VOPP1: variants seen among roughly 807,000 people sequenced by gnomAD.
The protein encoded by VOPP1 is WW domain binding protein VOPP1.
VOPP1 carries 8 observed loss-of-function variants against 23.5 expected under a neutral mutation model. The observed-to-expected ratio is 0.34, with a 90% CI of 0.20 to 0.61. The LOEUF (loss-of-function observed/expected upper bound fraction) is 0.61. Among genes scored for constraint, VOPP1 ranks in the 20% least tolerant of loss-of-function variants. The pLI, the probability that VOPP1 is intolerant of heterozygous loss-of-function variation, is 0.78. For missense variants in VOPP1, 174 were observed against 238.1 expected (o/e 0.73, Z 1.77); for synonymous variants, 83 against 97.3 (o/e 0.85, Z 0.86).
chr7:55,538,789 A>T, intron 1 of VOPP1: 2 of 586,098 alleles, frequency 3.4e-6, no homozygotes, highest in Non-Finnish European at 5.7e-6. Context: ...GCTGCTGATG[A>T]GGAAACATCT....
chr7:55,537,792 T>G, intron 1 of VOPP1: 1 of 1,130,438 alleles, frequency 8.8e-7, no homozygotes, highest in Non-Finnish European at 1.2e-6. Flanking sequence ...GAACATGCAC[T>G]TCCCACAGCC....
chr7:55,521,348 A>G (rs1176201727), intron 1 of VOPP1, among the ~76,000 whole-genome samples: 3 of 152,164 alleles, frequency 2.0e-5, no homozygotes, highest in Non-Finnish European at 2.9e-5. Flanking sequence ...ATAGCCTTTC[A>G]TATCTCTATA....
At chr7:55,435,804 T>G (rs1018175765), downstream of VOPP1, among the ~76,000 whole-genome samples, 3 of 152,252 alleles carry the variant, frequency 2.0e-5, no homozygotes, top group Non-Finnish European at 4.4e-5. Context: ...TCGGTTCTTC[T>G]GCTCAGCAAA....
intron 1 of VOPP1, among the ~76,000 whole-genome samples, chr7:55,523,101 C>G (rs538523247): frequency 1.2e-4 from 18 of 152,306 alleles, no homozygotes; most frequent in Non-Finnish European, 2.1e-4. Flanking sequence ...GAGCCCCCAG[C>G]ACAGTGTCTT....
intron 4 of VOPP1, among the ~76,000 whole-genome samples, chr7:55,459,076 T>TC (rs1223534740): frequency 6.6e-6 from 1 of 152,076 alleles, no homozygotes; most frequent in Non-Finnish European, 1.5e-5. Context: ...GTTGAGAGTT[T>TC]TTTTTTATCA....
chr7:55,466,837 A>G (rs1027876863), downstream of VOPP1, among the ~76,000 whole-genome samples: 5 of 152,076 alleles, frequency 3.3e-5, no homozygotes, highest in Non-Finnish European at 7.4e-5. Flanking sequence ...TGTTCAAAAC[A>G]CTTAAAATTG....
chr7:55,537,496 A>C (rs1197177492), intron 1 of VOPP1: 1 of 1,536,166 alleles, frequency 6.5e-7, no homozygotes, highest in African/African-American at 1.4e-5. Context: ...CAGCCGAGCA[A>C]GCACCTGAGC....
chr7:55,523,210 T>C (rs535990910), intron 1 of VOPP1, among the ~76,000 whole-genome samples: 1 of 152,230 alleles, frequency 6.6e-6, no homozygotes, highest in East Asian at 1.9e-4. Context: ...CAAGATACAG[T>C]GTTAGTGAAA....
At position 55,556,149 on chromosome 7, in the gene VOPP1, C is replaced by A. The variant is rs546899423; in HGVS notation, c.54+16122G>T. Among the ~76,000 whole-genome samples, 196 of 152,344 alleles carry A rather than the reference C, an allele frequency of 1.3e-3. 1 individual carries two copies. Among genetic ancestry groups the A allele is most frequent in the Non-Finnish European group, 1.8e-3 (121 of 68,038 alleles). On this transcript the variant is annotated intron_variant, in intron 1 of 4. Coordinates refer to ENST00000285279, the MANE Select transcript of VOPP1 (RefSeq NM_030796.5). ...AAGGGCAGCCTCTGCTCTCTCCCAG[C>A]CACCTGCTGAGCTTCCTCTGAGACC...
At chr7:55,522,258 G>A (rs1309522795) in intron 1 of VOPP1, among the ~76,000 whole-genome samples, 2 of 152,224 alleles carry the variant, frequency 1.3e-5, no homozygotes, top group African/African-American at 2.4e-5. Flanking sequence ...TGGGAGAGGT[G>A]AGTGCCAACG....
At chr7:55,480,222 T>C (rs1399779167) in intron 4 of VOPP1, among the ~76,000 whole-genome samples, 1 of 152,256 alleles carries the variant, frequency 6.6e-6, no homozygotes. Flanking sequence ...CCATATGAAC[T>C]TAAAGACATT....
intron 1 of VOPP1, among the ~76,000 whole-genome samples, chr7:55,543,074 C>T (rs1797204210): frequency 6.6e-6 from 1 of 151,992 alleles, no homozygotes; most frequent in Admixed American, 6.6e-5. Flanking sequence ...TGCCACCACG[C>T]CCGGCTAATT....
chr7:55,537,800 GCCC>G lies in VOPP1; in HGVS notation c.55-16673_55-16671del, dbSNP rs1796890471. The G allele has an allele frequency of 2.9e-6, 3 of 1,043,092 alleles. No individual in the cohort carries two copies. In the African/African-American group the frequency reaches 4.8e-5, roughly 17 times the overall value. The allele number at this position is 1,043,092 out of a possible 1,614,324, so 64.6% of individuals were successfully genotyped here. A position where few individuals can be genotyped will look rare whatever the true frequency, so the allele number is the denominator to read the frequency against. On this transcript the variant is annotated intron_variant, in intron 1 of 4. Transcript: ENST00000285279. ...CACCAAGGAACATGCACTTCCCACA[GCCC>G]CCACTTCCCCTCCAACTTCCACTAC...
chr7:55,525,301 A>C (rs1333181651), intron 1 of VOPP1, among the ~76,000 whole-genome samples: 1 of 152,014 alleles, frequency 6.6e-6, no homozygotes, highest in Non-Finnish European at 1.5e-5. Context: ...TATCCTGCCT[A>C]ACACAGTGAA....
intron 2 of VOPP1, among the ~76,000 whole-genome samples, chr7:55,508,160 G>A (rs139903468): frequency 6.6e-6 from 1 of 152,160 alleles, no homozygotes; most frequent in Non-Finnish European, 1.5e-5. Flanking sequence ...AACCCTTGAG[G>A]AGCTGCTGCC....
At chr7:55,544,170 T>C (rs1347346428) in intron 1 of VOPP1, among the ~76,000 whole-genome samples, 1 of 152,218 alleles carries the variant, frequency 6.6e-6, no homozygotes, top group Non-Finnish European at 1.5e-5. Context: ...GAAGAGACAA[T>C]GTCCTTTGCC....
intron 4 of VOPP1, among the ~76,000 whole-genome samples, chr7:55,462,575 G>C (rs902407391): frequency 6.6e-6 from 1 of 150,432 alleles, no homozygotes; most frequent in African/African-American, 2.4e-5. Context: ...GTTGGACTGG[G>C]TTATTTCAAA....
At chr7:55,542,820 A>G (rs1044855738) in intron 1 of VOPP1, among the ~76,000 whole-genome samples, 1 of 151,784 alleles carries the variant, frequency 6.6e-6, no homozygotes, top group Admixed American at 6.6e-5. Flanking sequence ...AGAACAGGCA[A>G]TATTTGTTTT....
intron 1 of VOPP1, among the ~76,000 whole-genome samples, chr7:55,560,503 G>A (rs2129056007): frequency 6.6e-6 from 1 of 152,270 alleles, no homozygotes; most frequent in Admixed American, 6.5e-5. Flanking sequence ...CACCAGCCAA[G>A]AAACACAGGC....
Sources: gnomAD v4.1 joint callset for allele counts (sites outside exome capture counted in the v4.1 genomes callset) on GRCh38, gnomAD v4.1.1 for gene constraint, MANE v1.5 for transcripts, NCBI Gene and HGNC (gene_info 2026-07-23, HGNC 2026-07-21) for gene names.